Variants in CHIC2 observed in about 807,000 individuals in gnomAD.
CHIC2 encodes the protein cysteine rich hydrophobic domain 2, also known as cysteine-rich hydrophobic domain-containing protein 2.
A neutral mutation model predicts 25.9 loss-of-function variants in CHIC2; 14 were observed. That is an observed-to-expected ratio of 0.54 (90% CI 0.36 to 0.85). The LOEUF is 0.85. CHIC2 is among the 40% of genes least tolerant of loss of function. The probability of loss-of-function intolerance (pLI) is 0.01; values close to 1 mark genes in which losing one functional copy is unlikely to be tolerated. For missense variants in CHIC2, 146 were observed against 202.0 expected (o/e 0.72, Z 1.68); for synonymous variants, 70 against 72.0 (o/e 0.97, Z 0.14).
intron 3 of CHIC2, among the ~76,000 whole-genome samples, chr4:54,035,466 G>C (rs1716356963): frequency 6.6e-6 from 1 of 152,104 alleles, no homozygotes; most frequent in South Asian, 2.1e-4. Context: ...AAGCTTTACA[G>C]TTTTTGTTTT....
At chr4:54,079,263 A>G in the CHIC2 span, among the ~76,000 whole-genome samples, 1 of 152,132 alleles carries the variant, frequency 6.6e-6, no homozygotes, top group African/African-American at 2.4e-5. Context: ...CTTCCAGAAA[A>G]CTTTTATCCT....
chr4:54,029,613 C>A (rs1716162614), intron 3 of CHIC2, among the ~76,000 whole-genome samples: 2 of 152,148 alleles, frequency 1.3e-5, no homozygotes, highest in South Asian at 4.1e-4. Context: ...CAAATTTGTT[C>A]TGCCTTGTTG....
intron 3 of CHIC2, among the ~76,000 whole-genome samples, chr4:54,017,354 T>C (rs772030052): frequency 6.6e-5 from 10 of 152,020 alleles, no homozygotes; most frequent in Admixed American, 2.6e-4. Context: ...AACACCATCT[T>C]TCAGTATTCC....
intron 3 of CHIC2, among the ~76,000 whole-genome samples, chr4:54,043,491 C>G (rs961868692): frequency 1.3e-5 from 2 of 151,064 alleles, no homozygotes; most frequent in Non-Finnish European, 2.9e-5. Context: ...AGAGTGGGGG[C>G]CAATATTCAA....
intron 3 of CHIC2, among the ~76,000 whole-genome samples, chr4:54,036,983 T>G (rs1716408455): frequency 6.6e-6 from 1 of 151,896 alleles, no homozygotes; most frequent in South Asian, 2.1e-4. Context: ...ATGTGGCATA[T>G]CCATATAATA....
In CHIC2 at chr4:54,014,051, T is replaced by C; in HGVS notation, c.387+12A>G. 1 of 1,612,934 alleles carries C rather than the reference T, an allele frequency of 6.2e-7. No individual in the cohort carries two copies. The highest frequency in any genetic ancestry group is 8.5e-7 in the Non-Finnish European group (1 of 1,179,178). On this transcript the variant is annotated intron_variant, in intron 4 of 5. Coordinates refer to ENST00000263921, the MANE Select transcript of CHIC2 (RefSeq NM_012110.4). ...ACCCCAACAGTACGAAGCTGCTCCC[T>C]GTGGTACTCACCTTGTGGTATAACC...
At chr4:54,048,773 T>C in intron 3 of CHIC2, 182 bp downstream of exon 3, 1 of 452,436 alleles carries the variant, frequency 2.2e-6, no homozygotes. Context: ...TTTAGATGGC[T>C]ATTTAATAAC....
chr4:54,076,644 A>C, the CHIC2 span: 1 of 152,236 alleles, frequency 6.6e-6, no homozygotes, highest in Non-Finnish European at 1.5e-5. Context: ...GTTTTGAAGA[A>C]ATTTCAGATG....
chr4:54,055,655 G>T (rs542700255), intron 1 of CHIC2, among the ~76,000 whole-genome samples: 2 of 152,102 alleles, frequency 1.3e-5, no homozygotes, highest in Non-Finnish European at 2.9e-5. Flanking sequence ...GAACATATTG[G>T]TTATGCAGAT....
intron 3 of CHIC2, among the ~76,000 whole-genome samples, chr4:54,037,593 C>A (rs1392357883): frequency 6.6e-6 from 1 of 152,060 alleles, no homozygotes; most frequent in African/African-American, 2.4e-5. Flanking sequence ...GTCACTGACA[C>A]TTCAATAAAG....
chr4:54,061,906 T>C (rs539604914), intron 1 of CHIC2, among the ~76,000 whole-genome samples: 2 of 152,332 alleles, frequency 1.3e-5, no homozygotes, highest in South Asian at 2.1e-4. Flanking sequence ...ATTGTTATGT[T>C]TGATAATGGC....
the CHIC2 span, among the ~76,000 whole-genome samples, chr4:54,075,253 C>T: frequency 2.3e-3 from 344 of 152,316 alleles, 4 homozygotes; most frequent in East Asian, 0.057. Flanking sequence ...CATCTGGTGA[C>T]TCTGCACTTG....
In CHIC2 at chr4:54,064,152, C is replaced by T; in HGVS notation, c.119+30G>A. ...TAACGGGGCCCACCCCAGCCCGCAC[C>T]TCCCGCCCTCGCCCTCCTCCGGGCC... is the stretch of plus-strand genomic sequence containing the variant. On this transcript the variant is annotated intron_variant, in intron 1 of 5. Transcript: ENST00000263921. The surrounding 1 kb of genome is among the most constrained non-coding windows in gnomAD (Gnocchi z 4.2). 1 of 1,577,080 alleles carries T rather than the reference C, an allele frequency of 6.3e-7. No individual in the cohort carries two copies.
the CHIC2 span, chr4:54,086,799 AAT>A: frequency 3.1e-6 from 1 of 324,620 alleles, no homozygotes; most frequent in Admixed American, 4.7e-5. Flanking sequence ...CTGATTACAG[AAT>A]CTTGGATTGT....
At chr4:54,027,648 G>A (rs1038904903) in intron 3 of CHIC2, among the ~76,000 whole-genome samples, 1 of 152,086 alleles carries the variant, frequency 6.6e-6, no homozygotes, top group Non-Finnish European at 1.5e-5. Flanking sequence ...TGAAGAAGGG[G>A]CAAGAAACCA....
Position 54,023,719 on chromosome 4 carries a change from C to A in CHIC2, c.331-9600G>T, listed in dbSNP as rs146736855. On this transcript the variant is annotated intron_variant, in intron 3 of 5. Coordinates refer to ENST00000263921, the MANE Select transcript of CHIC2 (RefSeq NM_012110.4). ...ATCTATCATTGAGGCTACCGCTCTG[C>A]CCCTCTCCACTACCTCTCAGCAAGG... is the stretch of plus-strand genomic sequence containing the variant. Among the ~76,000 whole-genome samples, 8 of 152,306 alleles carry A rather than the reference C, an allele frequency of 5.3e-5. No homozygotes were observed. In the East Asian group the frequency reaches 1.5e-3, roughly 29 times the overall value.
At chr4:54,062,909 G>A (rs763263316) in intron 1 of CHIC2, among the ~76,000 whole-genome samples, 18 of 152,178 alleles carry the variant, frequency 1.2e-4, no homozygotes, top group Non-Finnish European at 5.9e-5. Flanking sequence ...CACTTAGAAA[G>A]TATTATTGTG....
chr4:54,032,465 G>A (rs1374628889), intron 3 of CHIC2, among the ~76,000 whole-genome samples: 1 of 152,006 alleles, frequency 6.6e-6, no homozygotes, highest in African/African-American at 2.4e-5. Context: ...ACGGGGTTTC[G>A]CTGTGTTGGC....
At position 54,064,563 on chromosome 4, in the gene CHIC2, A is replaced by C; in HGVS notation, c.-263T>G. On this transcript the variant is annotated 5_prime_UTR_variant, in exon 1 of 6. Coordinates refer to ENST00000263921, the MANE Select transcript of CHIC2 (RefSeq NM_012110.4). This position sits in a 1 kb window ranked among gnomAD's most constrained non-coding sequence, Gnocchi z 4.2. ...CAGAGGCCGACACCTCCACAAGCAC[A>C]GACGCCGCTGCCGCCGCCGCAGCAG... 7.8e-7 allele frequency: 1 copy of C among 1,287,574 alleles called. No homozygotes were observed. Among genetic ancestry groups the C allele is most frequent in the Non-Finnish European group, 9.8e-7 (1 of 1,018,582 alleles). The allele number at this position is 1,287,574 out of a possible 1,614,324, so 79.8% of individuals were successfully genotyped here.
Sources: allele counts gnomAD v4.1 joint callset (sites outside exome capture counted in the v4.1 genomes callset), GRCh38; gene constraint gnomAD v4.1.1; non-coding constraint Gnocchi (gnomAD v3.1); transcripts MANE v1.5; gene names NCBI Gene and HGNC (gene_info 2026-07-23, HGNC 2026-07-21).